PNO1: variants seen among roughly 807,000 people sequenced by gnomAD.
PNO1 encodes the protein RNA-binding protein PNO1.
Under a neutral mutation model 28.4 loss-of-function variants are expected in PNO1, and 16 were observed. That is an observed-to-expected ratio of 0.56 (90% CI 0.38 to 0.85). The LOEUF (loss-of-function observed/expected upper bound fraction) is 0.85, where lower values mean the gene tolerates loss of function less well. PNO1 is among the 40% of genes least tolerant of loss of function. The pLI is 0.00. For synonymous variants in PNO1, 115 were observed against 110.8 expected (o/e 1.04, Z -0.24); for missense variants, 304 against 312.2 (o/e 0.97, Z 0.20).
At chr2:68,168,003 A>G (rs1404704354) in intron 5 of PNO1, among the ~76,000 whole-genome samples, 1 of 152,240 alleles carries the variant, frequency 6.6e-6, no homozygotes, top group Non-Finnish European at 1.5e-5. Context: ...CACAAGATCT[A>G]TAAATTTGGA....
intron 5 of PNO1, among the ~76,000 whole-genome samples, chr2:68,166,226 G>A (rs552567513): frequency 1.5e-4 from 23 of 152,278 alleles, no homozygotes; most frequent in African/African-American, 3.9e-4. Context: ...TAGGGATGCT[G>A]AACCCCTAAC....
chr2:68,174,744 C>T lies in PNO1; in HGVS notation c.701C>T (p.Pro234Leu). The change falls in exon 7 of 7, where the codon CCT (proline) becomes CTT (leucine). Residue 234 changes from proline (P) to leucine (L), a missense_variant. Pro to Leu is a moderately conservative substitution (Grantham distance 98, BLOSUM62 -3). Coordinates refer to ENST00000263657, the MANE Select transcript of PNO1 (RefSeq NM_020143.4). ...TTTTTCCCCTTTGCAGGAAATCCTC[C>T]TTCCAAGGTTTATGGCAATATTCGA... Reference protein sequence around the residue: ...AICNLILGNPPSKVYGNIRAV... With the variant: ...AICNLILGNPLSKVYGNIRAV... 2 of 1,605,982 alleles carry T rather than the reference C, an allele frequency of 1.2e-6. No homozygotes were observed. The highest frequency in any genetic ancestry group is 1.7e-6 in the Non-Finnish European group (2 of 1,173,394).
chr2:68,164,656 G>A (rs1441562639), intron 5 of PNO1, among the ~76,000 whole-genome samples: 1 of 152,024 alleles, frequency 6.6e-6, no homozygotes, highest in Non-Finnish European at 1.5e-5. Flanking sequence ...TAAAAATTAG[G>A]TGTGATTGTG....
At chr2:68,161,401 AGAG>A (rs1312460165) in intron 2 of PNO1, 1 of 456,780 alleles carries the variant, frequency 2.2e-6, no homozygotes, top group Non-Finnish European at 4.3e-6. Context: ...GGGTTGTGCC[AGAG>A]GAGTCTTGCT....
At chr2:68,174,624 T>C (rs1674224959) in intron 6 of PNO1, 111 bp from the exon 7 acceptor site, 4 of 629,264 alleles carry the variant, frequency 6.4e-6, no homozygotes, top group Non-Finnish European at 1.2e-5. Context: ...ATCCAAGGAT[T>C]GTGGTGTCTG....
chr2:68,158,425 T>TAC lies in PNO1; in HGVS notation c.258_259dup (p.Pro87HisfsTer3). The TAC allele has an allele frequency of 6.2e-7, 1 of 1,613,546 alleles. No individual in the cohort carries two copies. Among genetic ancestry groups the TAC allele is most frequent in the Non-Finnish European group, 8.5e-7 (1 of 1,179,570 alleles). On this transcript the variant is annotated frameshift_variant, in exon 2 of 7. Coordinates refer to ENST00000263657, the MANE Select transcript of PNO1 (RefSeq NM_020143.4). LOFTEE classifies it high-confidence loss of function. ...GAAAATTCCAGTCCCAGCTAACAGA[T>TAC]ACACACCATTGAAAGAAAACTGGAT...
At chr2:68,168,933 T>C (rs1674059478) in intron 5 of PNO1, among the ~76,000 whole-genome samples, 2 of 138,156 alleles carry the variant, frequency 1.4e-5, no homozygotes, top group African/African-American at 5.4e-5. Flanking sequence ...TTTTTTTTTT[T>C]TTTTTTTTTT....
chr2:68,174,130 T>C (rs956191826), intron 6 of PNO1, among the ~76,000 whole-genome samples: 1 of 152,140 alleles, frequency 6.6e-6, no homozygotes, highest in Non-Finnish European at 1.5e-5. Context: ...CTGATAAGAG[T>C]TGCAGGATCT....
At chr2:68,164,445 C>T (rs918926479) in intron 5 of PNO1, among the ~76,000 whole-genome samples, 1 of 152,134 alleles carries the variant, frequency 6.6e-6, no homozygotes, top group Non-Finnish European at 1.5e-5. Context: ...GAACCACGAT[C>T]GTGCCACTGT....
intron 5 of PNO1, among the ~76,000 whole-genome samples, chr2:68,172,507 A>C (rs1239496986): frequency 6.6e-6 from 1 of 152,182 alleles, no homozygotes; most frequent in African/African-American, 2.4e-5. Flanking sequence ...TGGAAGATGG[A>C]CTCAAAAAGG....
chr2:68,168,801 A>G (rs1334628747), intron 5 of PNO1, among the ~76,000 whole-genome samples: 1 of 151,692 alleles, frequency 6.6e-6, no homozygotes, highest in East Asian at 1.9e-4. Flanking sequence ...TGACAGCTTC[A>G]TGAATTTCCT....
chr2:68,157,912 G>A lies in PNO1; in HGVS notation c.-23G>A, dbSNP rs750478516. 4 of 1,607,210 alleles carry A rather than the reference G, an allele frequency of 2.5e-6. No homozygotes were observed. Among genetic ancestry groups the A allele is most frequent in the African/African-American group, 2.7e-5 (2 of 74,764 alleles). ...TGCAGCTGCGCACGTGTTTCAGCCG[G>A]CAGCGCTTTAAGATTTCCGGGGATG... On this transcript the variant is annotated 5_prime_UTR_variant, in exon 1 of 7. Coordinates refer to ENST00000263657, the MANE Select transcript of PNO1 (RefSeq NM_020143.4).
intron 2 of PNO1, among the ~76,000 whole-genome samples, chr2:68,159,429 G>A (rs941575708): frequency 2.6e-5 from 4 of 151,742 alleles, no homozygotes; most frequent in Non-Finnish European, 2.9e-5. Flanking sequence ...GGCTAGTCTC[G>A]AACTCCTGAC....
chr2:68,173,226 A>G (rs1460430428), intron 5 of PNO1, 121 bp from the exon 6 acceptor site: 4 of 675,428 alleles, frequency 5.9e-6, no homozygotes, highest in African/African-American at 1.8e-5. Flanking sequence ...TATGCTGTCC[A>G]GGCTTGTCTC....
intron 3 of PNO1, 151 bp from the exon 4 acceptor site, chr2:68,162,114 G>T: frequency 1.6e-6 from 1 of 608,902 alleles, no homozygotes; most frequent in Non-Finnish European, 2.9e-6. Context: ...ACTCCAGCCT[G>T]GGCGACAGCG....
chr2:68,162,813 A>T, intron 5 of PNO1, 150 bp downstream of exon 5: 1 of 654,136 alleles, frequency 1.5e-6, no homozygotes, highest in South Asian at 1.8e-5. Context: ...TAAATTGAAA[A>T]TATCATAAGT....
intron 6 of PNO1, among the ~76,000 whole-genome samples, chr2:68,174,288 G>GTTTTT (rs34323809): frequency 1.9e-5 from 2 of 106,800 alleles, no homozygotes; most frequent in East Asian, 5.4e-4. Context: ...TTCTGTTAAG[G>GTTTTT]TTTTTTTTTT....
intron 5 of PNO1, among the ~76,000 whole-genome samples, chr2:68,163,548 C>A (rs894362064): frequency 1.4e-5 from 2 of 139,932 alleles, no homozygotes; most frequent in African/African-American, 5.5e-5. Flanking sequence ...TAAATACATA[C>A]ATACATACAT....
chr2:68,167,332 A>G lies in PNO1; in HGVS notation c.620+4669A>G, dbSNP rs1417128215. On this transcript the variant is annotated intron_variant, in intron 5 of 6. Transcript: ENST00000263657. Reference sequence around the variant, plus strand: ...CTGGGACATTGCTCAACATCAAAAGAGCTTTAAAAGGCATTCCTTACTGGC... The same window carrying G: ...CTGGGACATTGCTCAACATCAAAAGGGCTTTAAAAGGCATTCCTTACTGGC... Among the ~76,000 whole-genome samples the G allele has an allele frequency of 3.9e-5, 6 of 152,170 alleles. No individual in the cohort carries two copies. In the East Asian group the frequency reaches 1.2e-3, roughly 29 times the overall value.
Sources: gnomAD v4.1 joint callset for allele counts (sites outside exome capture counted in the v4.1 genomes callset) on GRCh38, gnomAD v4.1.1 for gene constraint, MANE v1.5 for transcripts, NCBI Gene and HGNC (gene_info 2026-07-23, HGNC 2026-07-21) for gene names.